The following DDX60L variants were observed in gnomAD, a reference collection of about 807,000 sequenced individuals.
DDX60L encodes the protein probable ATP-dependent RNA helicase DDX60-like.
A neutral mutation model predicts 211.6 loss-of-function variants in DDX60L; 191 were observed. That is an observed-to-expected ratio of 0.90 (90% CI 0.80 to 1.02). The LOEUF (loss-of-function observed/expected upper bound fraction) is 1.02. Among genes scored for constraint, DDX60L ranks in the 50% least tolerant of loss-of-function variants. The probability of loss-of-function intolerance (pLI) is 0.00; values close to 1 mark genes in which losing one functional copy is unlikely to be tolerated. For synonymous variants in DDX60L, 706 were observed against 694.1 expected, an observed-to-expected ratio of 1.02 and a Z score of -0.27; for missense variants, 2,007 against 1,984.1, an observed-to-expected ratio of 1.01 and a Z score of -0.22.
intron 29 of DDX60L, among the ~76,000 whole-genome samples, chr4:168,385,327 C>A (rs117594605): frequency 3.3e-5 from 5 of 152,186 alleles, no homozygotes; most frequent in Admixed American, 2.6e-4. Flanking sequence ...GCTGAATACA[C>A]GGAGTTTCCT....
Position 168,384,684 on chromosome 4 carries a change from G to A in DDX60L, c.4044C>T (p.Leu1348=), listed in dbSNP as rs745712773. ...TGAGTCGCAGGACCAGGGTTATGCT[G>A]AGAGGGAACTGTCCTCTCAGCTCAG... ...SVPELRGQFP[L]SITLVLRLML... The change falls in exon 30 of 38, where the codon CTC becomes CTT. Residue 1348 remains leucine (L), a synonymous_variant. Transcript: ENST00000682922. 3.1e-6 allele frequency: 5 copies of A among 1,613,828 alleles called. No individual in the cohort carries two copies. Among genetic ancestry groups the A allele is most frequent in the African/African-American group, 1.3e-5 (1 of 74,894 alleles).
rs191867321 is a variant in DDX60L, at chr4:168,478,257, A to T, written c.-111+2120T>A. 3.0e-4 allele frequency among the ~76,000 whole-genome samples: 46 copies of T among 152,066 alleles called. 1 individual carries two copies. The East Asian group carries it at 7.7e-3, about 26-fold the overall frequency. The stretch of plus-strand genomic sequence containing the variant: ...AAAGAATTCTCAGTTAAACAGAAGG[A>T]CTTAGCCTTGCTGCAAGTATTAGGT... On this transcript the variant is annotated intron_variant, in intron 1 of 37. Transcript: ENST00000682922.
chr4:168,427,998 G>A (rs1291954551), intron 13 of DDX60L, among the ~76,000 whole-genome samples: 2 of 152,348 alleles, frequency 1.3e-5, no homozygotes, highest in East Asian at 3.9e-4. Flanking sequence ...GCTGCCAAAG[G>A]AGCAGAGGTG....
At position 168,373,675 on chromosome 4, in the gene DDX60L, A is replaced by T; in HGVS notation, c.4767T>A (p.Thr1589=). The stretch of plus-strand genomic sequence containing the variant: ...TGTATCCTTCACTTACCTGGTTGAT[A>T]GTCTCTGGTCGAAGCAAATCATTAT... ...NTDNDLLRPE[T]INQVILRTVG... is the part of the protein sequence containing the mutation. Residue 1589 remains threonine, a synonymous_variant, in exon 35 of 38, where the codon ACT becomes ACA. Coordinates refer to ENST00000682922, the MANE Select transcript of DDX60L (RefSeq NM_001012967.3). 1 of 1,613,560 alleles carries T rather than the reference A, an allele frequency of 6.2e-7. No individual in the cohort carries two copies. The highest frequency in any genetic ancestry group is 8.5e-7 in the Non-Finnish European group (1 of 1,179,634).
chr4:168,450,355 C>T (rs907662411), intron 8 of DDX60L, among the ~76,000 whole-genome samples: 25 of 151,970 alleles, frequency 1.6e-4, no homozygotes, highest in Non-Finnish European at 3.4e-4. Context: ...CTGACCTGAC[C>T]AATCAGCATT....
intron 31 of DDX60L, 87 bp from the exon 32 acceptor site, chr4:168,379,591 C>A: frequency 8.4e-7 from 1 of 1,188,422 alleles, no homozygotes; most frequent in Non-Finnish European, 1.2e-6. Flanking sequence ...CAAATATTAC[C>A]TGACTTCATT....
intron 37 of DDX60L, 55 bp downstream of exon 37, chr4:168,361,094 G>A (rs967390502): frequency 2.4e-6 from 3 of 1,273,272 alleles, no homozygotes; most frequent in Non-Finnish European, 3.4e-6. Flanking sequence ...AGAGCTATAT[G>A]TTTGCTAAAC....
At chr4:168,393,361 T>G (rs1745193219) in intron 28 of DDX60L, among the ~76,000 whole-genome samples, 1 of 152,068 alleles carries the variant, frequency 6.6e-6, no homozygotes, top group Non-Finnish European at 1.5e-5. Context: ...CTGGGTGTGG[T>G]GGTGCATGCC....
At chr4:168,470,839 TA>T (rs78162593) in intron 4 of DDX60L, 19,480 of 216,426 alleles carry the variant, frequency 0.09, no homozygotes, top group South Asian at 0.2. Flanking sequence ...AAACTCCATC[TA>T]AAAAAAAAAA....
rs1744603540 is a variant in DDX60L at position 168,390,473 on chromosome 4, C to T, written c.3915+1067G>A. 3 of 1,375,626 alleles carry T rather than the reference C, an allele frequency of 2.2e-6. No individual in the cohort carries two copies. The East Asian group carries it at 8.5e-5, about 39-fold the overall frequency. 85.2% of individuals were successfully genotyped at this position (1,375,626 alleles called of 1,614,324 possible). On this transcript the variant is annotated intron_variant, in intron 29 of 37. Coordinates refer to ENST00000682922, the MANE Select transcript of DDX60L (RefSeq NM_001012967.3). ...TAAAAGGTCATGAAATGGAGATAAA[C>T]TCCTTTTCTCTGTAAAATCACAGTC... is the stretch of plus-strand genomic sequence containing the variant.
intron 10 of DDX60L, among the ~76,000 whole-genome samples, chr4:168,435,467 T>G (rs1752908939): frequency 6.6e-6 from 1 of 152,226 alleles, no homozygotes. Context: ...GAAAGACAGA[T>G]GAATTCTGGA....
chr4:168,432,047 C>T (rs1295318424), intron 12 of DDX60L, among the ~76,000 whole-genome samples: 1 of 152,106 alleles, frequency 6.6e-6, no homozygotes, highest in Non-Finnish European at 1.5e-5. Context: ...AAGTATCTTT[C>T]CCACTTAAAC....
chr4:168,469,376 C>G (rs1472465975), intron 4 of DDX60L: 1 of 152,160 alleles, frequency 6.6e-6, no homozygotes, highest in Non-Finnish European at 1.5e-5. Flanking sequence ...CACAAACACA[C>G]AAAAATTAAT....
intron 8 of DDX60L, among the ~76,000 whole-genome samples, chr4:168,451,129 T>C (rs890947867): frequency 5.9e-5 from 9 of 152,220 alleles, no homozygotes; most frequent in African/African-American, 2.2e-4. Flanking sequence ...AGTGTCTTTT[T>C]CTAATTCTTA....
At chr4:168,449,658 A>AAAAAAAAAAAAAAAAAAAAAT (rs1755464345) in intron 8 of DDX60L, among the ~76,000 whole-genome samples, 1 of 91,126 alleles carries the variant, frequency 1.1e-5, no homozygotes, top group Non-Finnish European at 2.2e-5. Context: ...AATGCAAAAA[A>AAAAAAAAAAAAAAAAAAAAAT]AAAAAAAGAA....
At position 168,367,947 on chromosome 4, in the gene DDX60L, G is replaced by A. The variant is rs375609059; in HGVS notation, c.4928+3665C>T. Among the ~76,000 whole-genome samples, 4 of 152,322 alleles carry A rather than the reference G, an allele frequency of 2.6e-5. No individual in the cohort carries two copies. In the South Asian group the frequency reaches 6.2e-4, roughly 24 times the overall value. On this transcript the variant is annotated intron_variant, in intron 36 of 37. Coordinates refer to ENST00000682922, the MANE Select transcript of DDX60L (RefSeq NM_001012967.3). ...GCAAAGCATTCAAGAGGTGACTTGG[G>A]TACTGTTAAAGGCATTCAGTTTTAT... is the stretch of plus-strand genomic sequence containing the variant.
At chr4:168,480,354 C>T (rs949745473) in intron 1 of DDX60L, 23 bp downstream of exon 1, 2 of 152,402 alleles carry the variant, frequency 1.3e-5, no homozygotes, top group East Asian at 3.9e-4. Flanking sequence ...CTAGCGACAC[C>T]CGACGTCACC....
chr4:168,360,848 T>C (rs1738981304), intron 37 of DDX60L, among the ~76,000 whole-genome samples: 1 of 152,176 alleles, frequency 6.6e-6, no homozygotes, highest in South Asian at 2.1e-4. Flanking sequence ...ATAGTGAGAA[T>C]ATAGCGAGGC....
intron 30 of DDX60L, 130 bp downstream of exon 30, chr4:168,384,482 G>T: frequency 8.5e-7 from 1 of 1,179,280 alleles, no homozygotes; most frequent in Non-Finnish European, 1.2e-6. Context: ...GCAAGACCCT[G>T]TCTCCAAAAC....
Sources: allele counts gnomAD v4.1 joint callset (sites outside exome capture counted in the v4.1 genomes callset), GRCh38; gene constraint gnomAD v4.1.1; transcripts MANE v1.5; gene names NCBI Gene and HGNC (gene_info 2026-07-23, HGNC 2026-07-21).